The following ERBB4 variants were observed in gnomAD, a reference collection of about 807,000 sequenced individuals.
ERBB4 encodes receptor tyrosine-protein kinase erbB-4.
In ERBB4, 42 loss-of-function variants were observed where a neutral mutation model predicts 158.0. That is an observed-to-expected ratio of 0.27 (90% confidence interval 0.21 to 0.34). The LOEUF (loss-of-function observed/expected upper bound fraction) is 0.34. Ranked by LOEUF, ERBB4 falls within the 10% of genes least tolerant of loss-of-function variation. The pLI, the probability that ERBB4 is intolerant of heterozygous loss-of-function variation, is 1.00. For missense variants in ERBB4, 1,333 were observed against 1,624.1 expected (o/e 0.82, Z 3.08); for synonymous variants, 583 against 558.7 (o/e 1.04, Z -0.61).
At chr2:212,469,375 A>G (rs947905908) in intron 1 of ERBB4, among the ~76,000 whole-genome samples, 4 of 152,186 alleles carry the variant, frequency 2.6e-5, no homozygotes, top group Non-Finnish European at 4.4e-5. Flanking sequence ...AGAACTACTT[A>G]GGACAAATTT....
chr2:212,123,301 A>G (rs2079815682), intron 2 of ERBB4, among the ~76,000 whole-genome samples: 1 of 152,140 alleles, frequency 6.6e-6, no homozygotes, highest in South Asian at 2.1e-4. Flanking sequence ...TACCTGGGAT[A>G]CTGAGGCAGG....
At position 212,244,771 on chromosome 2, in the gene ERBB4, C is replaced by T. The variant is rs111903717; in HGVS notation, c.83-119868G>A. ...ACTTTCAATTCTTCCAAAACCTTGC[C>T]AGAGAATCCCAATGATCTCATCCCA... On this transcript the variant is annotated intron_variant, in intron 1 of 27. Transcript: ENST00000342788. Among the ~76,000 whole-genome samples, 733 of 152,206 alleles carry T rather than the reference C, an allele frequency of 4.8e-3. 7 individuals carry two copies. The highest frequency in any genetic ancestry group is 0.017 in the Middle Eastern group (5 of 294).
chr2:212,333,718 C>T (rs541404838), intron 1 of ERBB4, among the ~76,000 whole-genome samples: 1 of 151,500 alleles, frequency 6.6e-6, no homozygotes, highest in South Asian at 2.1e-4. Context: ...CTTCCTTGGT[C>T]CACCTGTATA....
At chr2:212,288,714 C>T (rs1260166789) in intron 1 of ERBB4, among the ~76,000 whole-genome samples, 1 of 151,934 alleles carries the variant, frequency 6.6e-6, no homozygotes, top group African/African-American at 2.4e-5. Context: ...ACGAGAACCC[C>T]GTTTTTAGCT....
At chr2:212,437,836 T>C (rs1210527870) in intron 1 of ERBB4, among the ~76,000 whole-genome samples, 6 of 152,100 alleles carry the variant, frequency 3.9e-5, no homozygotes, top group Non-Finnish European at 4.4e-5. Flanking sequence ...GAATACCTCA[T>C]CTTCCTTTTC....
intron 1 of ERBB4, among the ~76,000 whole-genome samples, chr2:212,516,186 C>T (rs1268834430): frequency 6.6e-6 from 1 of 151,750 alleles, no homozygotes; most frequent in African/African-American, 2.4e-5. Context: ...CAAACATGTG[C>T]AAAATGTTAT....
At chr2:212,475,817 A>G (rs1689358389) in intron 1 of ERBB4, among the ~76,000 whole-genome samples, 1 of 152,086 alleles carries the variant, frequency 6.6e-6, no homozygotes, top group African/African-American at 2.4e-5. Flanking sequence ...TAATTGTATT[A>G]CCAATTCTAT....
At chr2:212,219,834 C>G (rs2083234052) in intron 1 of ERBB4, among the ~76,000 whole-genome samples, 1 of 151,144 alleles carries the variant, frequency 6.6e-6, no homozygotes, top group Admixed American at 6.6e-5. Flanking sequence ...CACAAACCCT[C>G]TGGTTTTGTC....
chr2:211,460,143 A>T (rs541880169), intron 20 of ERBB4, among the ~76,000 whole-genome samples: 32 of 152,288 alleles, frequency 2.1e-4, no homozygotes, highest in African/African-American at 7.7e-4. Context: ...CAACATTATT[A>T]CTATAAATAA....
chr2:211,388,768 A>AT, intron 25 of ERBB4, among the ~76,000 whole-genome samples: 1 of 152,168 alleles, frequency 6.6e-6, no homozygotes, highest in Middle Eastern at 3.2e-3. Context: ...GAGGATATAA[A>AT]AATCTAATAA....
At chr2:212,113,410 T>C (rs958979124) in intron 2 of ERBB4, among the ~76,000 whole-genome samples, 6 of 151,430 alleles carry the variant, frequency 4.0e-5, no homozygotes, top group Admixed American at 3.3e-4. Flanking sequence ...CCGTCTCTAC[T>C]AAAAATACAA....
intron 4 of ERBB4, among the ~76,000 whole-genome samples, chr2:211,753,285 A>AG (rs1238637189): frequency 6.6e-6 from 1 of 151,816 alleles, no homozygotes; most frequent in Non-Finnish European, 1.5e-5. Context: ...CATAGAAAAA[A>AG]AAAAACAAAA....
At chr2:211,831,261 C>G (rs1430204920) in intron 3 of ERBB4, among the ~76,000 whole-genome samples, 1 of 152,074 alleles carries the variant, frequency 6.6e-6, no homozygotes, top group Non-Finnish European at 1.5e-5. Context: ...AAAGGCAACC[C>G]TCGTGTCCAC....
chr2:211,613,586 T>C (rs1468126181), intron 19 of ERBB4, among the ~76,000 whole-genome samples: 2 of 151,954 alleles, frequency 1.3e-5, no homozygotes. Context: ...TCTAATAATC[T>C]GACCAAAATG....
intron 1 of ERBB4, among the ~76,000 whole-genome samples, chr2:212,339,053 G>A (rs1319255711): frequency 6.6e-6 from 1 of 152,018 alleles, no homozygotes; most frequent in Non-Finnish European, 1.5e-5. Context: ...AGGATGTGCA[G>A]GTTTGTTACA....
chr2:212,466,336 T>A (rs1688832418), intron 1 of ERBB4, among the ~76,000 whole-genome samples: 1 of 152,182 alleles, frequency 6.6e-6, no homozygotes, highest in Non-Finnish European at 1.5e-5. Context: ...AAGGACCAAC[T>A]TTTGTATATA....
chr2:212,178,551 ATATG>A (rs1191739223), intron 1 of ERBB4, among the ~76,000 whole-genome samples: 1 of 151,782 alleles, frequency 6.6e-6, no homozygotes, highest in Non-Finnish European at 1.5e-5. Context: ...TCTTAAATAC[ATATG>A]TATTAGAGGT....
chr2:211,551,145 T>C (rs1484232351), intron 20 of ERBB4, among the ~76,000 whole-genome samples: 2 of 152,204 alleles, frequency 1.3e-5, no homozygotes, highest in Non-Finnish European at 2.9e-5. Flanking sequence ...GTTTAGTTCT[T>C]CTTCCTTAGA....
intron 19 of ERBB4, among the ~76,000 whole-genome samples, chr2:211,580,357 AAAG>A (rs1247807101): frequency 1.3e-5 from 2 of 152,174 alleles, no homozygotes; most frequent in Non-Finnish European, 2.9e-5. Context: ...ACAATTCTCA[AAAG>A]AAGATGTACA....
Sources: gnomAD v4.1 joint callset for allele counts (sites outside exome capture counted in the v4.1 genomes callset) on GRCh38, gnomAD v4.1.1 for gene constraint, MANE v1.5 for transcripts, NCBI Gene and HGNC (gene_info 2026-07-23, HGNC 2026-07-21) for gene names.